CDH17: variants seen among roughly 807,000 people sequenced by gnomAD.
CDH17 encodes the protein cadherin-17.
Under a neutral mutation model 86.3 loss-of-function variants are expected in CDH17, and 67 were observed. That is an observed-to-expected ratio of 0.78 (90% CI 0.64 to 0.95). The LOEUF is 0.95. Ranked by LOEUF, CDH17 falls within the 40% of genes least tolerant of loss-of-function variation. CDH17 has a pLI of 0.00. For synonymous variants in CDH17, 367 were observed against 366.4 expected, an observed-to-expected ratio of 1.00 and a Z score of -0.02; for missense variants, 993 against 1,017.6, an observed-to-expected ratio of 0.98 and a Z score of 0.33.
At chr8:94,144,288 G>A (rs115777969) in intron 15 of CDH17, among the ~76,000 whole-genome samples, 1,920 of 152,154 alleles carry the variant, frequency 0.013, 35 homozygotes, top group African/African-American at 0.042. Flanking sequence ...GTATGGCTCC[G>A]GGTGTCCCAA....
Position 94,160,053 on chromosome 8 carries a change from T to C in CDH17, c.1469A>G (p.His490Arg), listed in dbSNP as rs1163708864. Residue 490 changes from histidine (H) to arginine (R), a missense_variant, in exon 12 of 18, where the codon CAT becomes CGT. By Grantham distance (29) the His-to-Arg change is conservative (BLOSUM62 0). Coordinates refer to ENST00000027335, the MANE Select transcript of CDH17 (RefSeq NM_004063.4). ...PFTGSSKILY[H>R]IIKGDSEGRL... ...TCCCTCACTGTCTCCCTTTATGATA[T>C]GATACAGAATTTTAGAACTCCCAGT... is the stretch of plus-strand genomic sequence containing the variant. 1.5e-5 allele frequency: 25 copies of C among 1,613,746 alleles called. No homozygotes were observed. Among genetic ancestry groups the C allele is most frequent in the Non-Finnish European group, 2.1e-5 (25 of 1,179,862 alleles).
intron 15 of CDH17, among the ~76,000 whole-genome samples, chr8:94,132,999 G>T (rs1360066667): frequency 2.6e-5 from 4 of 152,100 alleles, no homozygotes; most frequent in African/African-American, 9.7e-5. Flanking sequence ...TTATTTCTGA[G>T]GTCTCTGTTC....
At chr8:94,179,823 C>A (rs1282220997) in intron 3 of CDH17, among the ~76,000 whole-genome samples, 1 of 152,110 alleles carries the variant, frequency 6.6e-6, no homozygotes, top group African/African-American at 2.4e-5. Context: ...ACTAAGCAAA[C>A]AAACAGCATC....
intron 3 of CDH17, among the ~76,000 whole-genome samples, chr8:94,186,066 C>G (rs1813573137): frequency 6.6e-6 from 1 of 152,098 alleles, no homozygotes; most frequent in Non-Finnish European, 1.5e-5. Flanking sequence ...GATAACTCAC[C>G]ACAGACAGGT....
rs1315465855 is a variant in CDH17 at position 94,146,001 on chromosome 8, A to C, written c.2094T>G (p.Phe698Leu). The change falls in exon 15 of 18, where the codon TTT (phenylalanine) becomes TTG (leucine). Residue 698 changes from phenylalanine to leucine, a missense_variant. Transcript: ENST00000027335. ...FEATDDDQHL[F>L]RGPHFTFSLG... Reference sequence around the variant, plus strand: ...GGGAAAATGTAAAATGGGGACCCCGAAATAAGTGCTGATCATCATCAGTAG... The same window carrying C: ...GGGAAAATGTAAAATGGGGACCCCGCAATAAGTGCTGATCATCATCAGTAG... 1.2e-6 allele frequency: 2 copies of C among 1,613,834 alleles called. No homozygotes were observed. Among genetic ancestry groups the C allele is most frequent in the Non-Finnish European group, 1.7e-6 (2 of 1,179,882 alleles).
Position 94,177,664 on chromosome 8 carries a change from A to T in CDH17, c.208T>A (p.Phe70Ile). ...AGAAGTCCCTCCCGTTCTATCACAA[A>T]TATGTTGTCTGTCTCCCCAGTTAGT... The part of the protein sequence containing the change: ...FELTGETDNI[F>I]VIEREGLLYY... Residue 70 changes from phenylalanine to isoleucine, a missense_variant, in exon 4 of 18, where the codon TTT becomes ATT. Coordinates refer to ENST00000027335, the MANE Select transcript of CDH17 (RefSeq NM_004063.4). The T allele has an allele frequency of 6.2e-7, 1 of 1,613,796 alleles. No individual in the cohort carries two copies. The highest frequency in any genetic ancestry group is 8.5e-7 in the Non-Finnish European group (1 of 1,179,768).
At chr8:94,154,932 C>T (rs1311758442) in intron 12 of CDH17, among the ~76,000 whole-genome samples, 1 of 151,992 alleles carries the variant, frequency 6.6e-6, no homozygotes, top group Non-Finnish European at 1.5e-5. Context: ...GGAGAACATC[C>T]CCACCTTCCA....
chr8:94,167,486 T>C (rs975014381), intron 9 of CDH17, among the ~76,000 whole-genome samples: 1 of 152,198 alleles, frequency 6.6e-6, no homozygotes, highest in African/African-American at 2.4e-5. Flanking sequence ...TACCTATGTA[T>C]GTCTACAGTA....
chr8:94,130,089 A>T (rs2514822), intron 17 of CDH17, among the ~76,000 whole-genome samples: 125,866 of 152,166 alleles, frequency 0.83, 52,212 homozygotes, highest in African/African-American at 0.85. Context: ...CTAGCCAAGC[A>T]AGGGGCTATG....
At chr8:94,186,021 C>A (rs1350387585) in intron 3 of CDH17, among the ~76,000 whole-genome samples, 1 of 151,964 alleles carries the variant, frequency 6.6e-6, no homozygotes, top group African/African-American at 2.4e-5. Flanking sequence ...CATATGGCTT[C>A]ATTTATCACT....
chr8:94,135,988 C>G (rs113928153), intron 15 of CDH17, among the ~76,000 whole-genome samples: 26,357 of 152,212 alleles, frequency 0.17, 2,650 homozygotes, highest in South Asian at 0.33. Context: ...GGCCCCCACT[C>G]TCTTCTGGCT....
intron 3 of CDH17, among the ~76,000 whole-genome samples, chr8:94,182,945 A>C (rs1813510218): frequency 6.6e-6 from 1 of 152,082 alleles, no homozygotes; most frequent in South Asian, 2.1e-4. Context: ...AACAAAAATC[A>C]ATCTTTCTAA....
chr8:94,172,800 A>G (rs1813295021), intron 7 of CDH17, among the ~76,000 whole-genome samples: 1 of 152,180 alleles, frequency 6.6e-6, no homozygotes, highest in Admixed American at 6.5e-5. Context: ...GCCCAGGGTA[A>G]GAGCACATGC....
At position 94,200,532 on chromosome 8, in the gene CDH17, CTTTTGTTTTTTTT is replaced by C. The variant is rs1267195267; in HGVS notation, c.-20-5840_-20-5828del. 4.2e-4 allele frequency among the ~76,000 whole-genome samples: 21 copies of C among 50,242 alleles called. 1 individual carries two copies. The highest frequency in any genetic ancestry group is 1.3e-3 in the African/African-American group (17 of 12,802). The allele number at this position is 50,242 out of a possible 152,430, so 33.0% of individuals were successfully genotyped here. On this transcript the variant is annotated intron_variant, in intron 1 of 17. Transcript: ENST00000027335. The stretch of plus-strand genomic sequence containing the variant: ...TAGATCAGAGGGTTATTATTATTAT[CTTTTGTTTTTTTT>C]TTTTTTTTTTTTTTTTTTTTTTTAC...
chr8:94,188,303 C>T (rs1432452071), intron 3 of CDH17, among the ~76,000 whole-genome samples: 1 of 151,942 alleles, frequency 6.6e-6, no homozygotes, highest in East Asian at 1.9e-4. Context: ...TTGTTTTTCC[C>T]AAATATATTT....
intron 13 of CDH17, 43 bp downstream of exon 13, chr8:94,151,825 G>A: frequency 6.2e-7 from 1 of 1,611,230 alleles, no homozygotes; most frequent in East Asian, 2.2e-5. Context: ...CATTGGCTTT[G>A]GTGACCACGC....
At chr8:94,161,757 C>CA (rs1205065964) in intron 11 of CDH17, among the ~76,000 whole-genome samples, 2 of 152,034 alleles carry the variant, frequency 1.3e-5, no homozygotes, top group East Asian at 1.9e-4. Flanking sequence ...TGTCCTAACA[C>CA]AAAAAAATAT....
chr8:94,136,924 C>G (rs531696344), intron 15 of CDH17, among the ~76,000 whole-genome samples: 1 of 152,260 alleles, frequency 6.6e-6, no homozygotes, highest in East Asian at 1.9e-4. Flanking sequence ...CACTCCAGAC[C>G]CTGTTTGCCT....
Position 94,127,603 on chromosome 8 carries a change from C to A in CDH17, c.*637G>T, listed in dbSNP as rs866244136. 59 of 152,190 alleles carry A rather than the reference C, an allele frequency of 3.9e-4. No homozygotes were observed. Among genetic ancestry groups the A allele is most frequent in the African/African-American group, 1.4e-3 (57 of 41,520 alleles). The allele number at this position is 152,190 out of a possible 1,614,324, so 9.4% of individuals were successfully genotyped here. On this transcript the variant is annotated 3_prime_UTR_variant, in exon 18 of 18. Transcript: ENST00000027335. ...CCAAAGGAGTCAAGGATGAAGGGGACACAGGATGGAATCAGAAAAAACATA... is the reference window on the plus strand; with the variant it reads ...CCAAAGGAGTCAAGGATGAAGGGGAAACAGGATGGAATCAGAAAAAACATA...
Sources: gnomAD v4.1 joint callset for allele counts (sites outside exome capture counted in the v4.1 genomes callset) on GRCh38, gnomAD v4.1.1 for gene constraint, MANE v1.5 for transcripts, NCBI Gene and HGNC (gene_info 2026-07-23, HGNC 2026-07-21) for gene names.